The following SIDT1 variants were observed in gnomAD, a reference collection of about 807,000 sequenced individuals.
The protein encoded by SIDT1 is SID1 transmembrane family member 1.
A neutral mutation model predicts 107.5 loss-of-function variants in SIDT1; 101 were observed. The ratio of observed to expected loss-of-function variants is 0.94; its 90% CI spans 0.80 to 1.11. The LOEUF is 1.11. SIDT1 is among the 50% of genes least tolerant of loss of function. SIDT1 has a pLI of 0.00. For synonymous variants in SIDT1, 395 were observed against 398.2 expected (o/e 0.99, Z 0.10); for missense variants, 1,076 against 1,058.2 (o/e 1.02, Z -0.23).
intron 9 of SIDT1, among the ~76,000 whole-genome samples, chr3:113,586,506 A>C (rs976380938): frequency 6.6e-5 from 10 of 152,350 alleles, no homozygotes; most frequent in African/African-American, 2.2e-4. Context: ...CATTTTGCAA[A>C]CATTATGTTA....
intron 10 of SIDT1, among the ~76,000 whole-genome samples, chr3:113,595,922 G>T (rs116418447): frequency 6.6e-6 from 1 of 152,134 alleles, no homozygotes; most frequent in Non-Finnish European, 1.5e-5. Context: ...CTCAAACAGA[G>T]CATAGAGAAA....
At chr3:113,551,129 G>A (rs1455743672) in intron 1 of SIDT1, among the ~76,000 whole-genome samples, 1 of 152,162 alleles carries the variant, frequency 6.6e-6, no homozygotes, top group African/African-American at 2.4e-5. Context: ...ATTCCATGGT[G>A]CATATATACC....
In SIDT1 at chr3:113,576,968, G is replaced by A; in HGVS notation, c.561+1G>A. On this transcript the variant is annotated splice_donor_variant, in intron 4 of 24. Coordinates refer to ENST00000264852, the MANE Select transcript of SIDT1 (RefSeq NM_017699.3). LOFTEE classifies it high-confidence loss of function. ...TACTGCCAGCCCCTCTCAACCTCAG[G>A]TAAGTGAAGGGGTTCCAAGAGTTAT... 1 of 1,614,052 alleles carries A rather than the reference G, an allele frequency of 6.2e-7. No individual in the cohort carries two copies.
intron 10 of SIDT1, among the ~76,000 whole-genome samples, chr3:113,598,643 T>C (rs1408110533): frequency 1.3e-5 from 2 of 152,218 alleles, no homozygotes; most frequent in Non-Finnish European, 2.9e-5. Flanking sequence ...GGCAAATTAC[T>C]TGATCTCTCA....
intron 10 of SIDT1, among the ~76,000 whole-genome samples, chr3:113,593,986 T>G (rs1316894742): frequency 1.3e-5 from 2 of 152,342 alleles, no homozygotes; most frequent in South Asian, 2.1e-4. Flanking sequence ...CTAAACTCAG[T>G]GCTCATAGGT....
chr3:113,554,710 T>G (rs1940654470), intron 1 of SIDT1, among the ~76,000 whole-genome samples: 2 of 152,200 alleles, frequency 1.3e-5, no homozygotes, highest in African/African-American at 4.8e-5. Flanking sequence ...CATTCTTATG[T>G]GTTTGGGGGT....
At chr3:113,621,106 G>C (rs565029946) in intron 21 of SIDT1, among the ~76,000 whole-genome samples, 1 of 152,208 alleles carries the variant, frequency 6.6e-6, no homozygotes, top group East Asian at 1.9e-4. Context: ...AATTACTTTC[G>C]TATGGTCCTG....
chr3:113,570,517 C>T (rs1293877102), intron 3 of SIDT1, among the ~76,000 whole-genome samples: 4 of 152,190 alleles, frequency 2.6e-5, no homozygotes, highest in Admixed American at 1.3e-4. Context: ...ACAACTGTAG[C>T]GAGTGTTAAT....
chr3:113,535,671 T>C (rs534309204), intron 1 of SIDT1, among the ~76,000 whole-genome samples: 1 of 152,204 alleles, frequency 6.6e-6, no homozygotes, highest in Non-Finnish European at 1.5e-5. Context: ...TTGGGAACCA[T>C]GGGAACAGGA....
chr3:113,608,326 C>A, intron 16 of SIDT1, 93 bp from the exon 17 acceptor site: 1 of 1,525,074 alleles, frequency 6.6e-7, no homozygotes, highest in Non-Finnish European at 9.0e-7. Context: ...GTGTAATAAA[C>A]TACATGAGGC....
intron 1 of SIDT1, among the ~76,000 whole-genome samples, chr3:113,553,361 G>A (rs1513287): frequency 0.64 from 97,301 of 151,764 alleles, 31,694 homozygotes; most frequent in African/African-American, 0.72. Flanking sequence ...AAAAATAAAA[G>A]GCTGGTAAGT....
rs1947048794 is a variant in SIDT1, at chr3:113,629,398, A to C, written c.*1690A>C. ...CATGTAAAAAACTTTTTGGCAGGGC[A>C]CAGTGGCTCACGCCTGTAATCCCAA... On this transcript the variant is annotated 3_prime_UTR_variant, in exon 25 of 25. Coordinates refer to ENST00000264852, the MANE Select transcript of SIDT1 (RefSeq NM_017699.3). 6.6e-6 allele frequency: 1 copy of C among 152,226 alleles called. No individual in the cohort carries two copies. The highest frequency in any genetic ancestry group is 1.5e-5 in the Non-Finnish European group (1 of 68,064). The allele number at this position is 152,226 out of a possible 1,614,324, so 9.4% of individuals were successfully genotyped here. A position where few individuals can be genotyped will look rare whatever the true frequency, so the allele number is the denominator to read the frequency against.
intron 23 of SIDT1, among the ~76,000 whole-genome samples, chr3:113,625,291 C>T (rs1000740012): frequency 6.6e-5 from 10 of 152,024 alleles, no homozygotes; most frequent in Admixed American, 2.0e-4. Flanking sequence ...CGCCCACCAC[C>T]GTGCCCAGCT....
intron 2 of SIDT1, among the ~76,000 whole-genome samples, chr3:113,567,284 G>GATT (rs1371224612): frequency 9.8e-5 from 15 of 152,314 alleles, no homozygotes; most frequent in African/African-American, 3.6e-4. Context: ...GAATGGCTTA[G>GATT]CGTAATGTAG....
intron 15 of SIDT1, 32 bp from the exon 16 acceptor site, chr3:113,608,062 A>T: frequency 6.6e-7 from 1 of 1,525,304 alleles, no homozygotes; most frequent in South Asian, 1.3e-5. Flanking sequence ...GATGGTCTTG[A>T]CTCTCTCATG....
At chr3:113,537,316 T>C (rs1201343937) in intron 1 of SIDT1, among the ~76,000 whole-genome samples, 1 of 152,220 alleles carries the variant, frequency 6.6e-6, no homozygotes, top group Non-Finnish European at 1.5e-5. Context: ...AGTAGTTGTA[T>C]ACCTAGAACC....
intron 1 of SIDT1, among the ~76,000 whole-genome samples, chr3:113,551,827 GTGT>G (rs1560022230): frequency 1.7e-4 from 13 of 77,888 alleles, no homozygotes; most frequent in African/African-American, 4.2e-4. Context: ...TTTTAGGGGT[GTGT>G]GTGTGTGTGT....
rs145940686 is a variant in SIDT1, at chr3:113,571,239, T to C, written c.515+3529T>C. Among the ~76,000 whole-genome samples, 837 of 152,162 alleles carry C rather than the reference T, an allele frequency of 5.5e-3. 8 individuals carry two copies. The highest frequency in any genetic ancestry group is 0.01 in the Middle Eastern group (3 of 292). ...GAGTTCAAGACTGGCCTAGGCAACA[T>C]AGTCTCTAAAAAAATAAAAACCAAA... On this transcript the variant is annotated intron_variant, in intron 3 of 24. Coordinates refer to ENST00000264852, the MANE Select transcript of SIDT1 (RefSeq NM_017699.3).
downstream of SIDT1, among the ~76,000 whole-genome samples, chr3:113,632,442 C>T (rs1472080637): frequency 7.2e-5 from 11 of 152,146 alleles, no homozygotes; most frequent in African/African-American, 2.7e-4. Flanking sequence ...TCACAAGGCA[C>T]CCTGGTACTA....
Sources: allele counts gnomAD v4.1 joint callset (sites outside exome capture counted in the v4.1 genomes callset), GRCh38; gene constraint gnomAD v4.1.1; transcripts MANE v1.5; gene names NCBI Gene and HGNC (gene_info 2026-07-23, HGNC 2026-07-21).